The following TUSC3 variants were observed in gnomAD, a reference collection of about 807,000 sequenced individuals.
TUSC3 encodes the protein dolichyl-diphosphooligosaccharide--protein glycosyltransferase subunit TUSC3.
A neutral mutation model predicts 44.8 loss-of-function variants in TUSC3; 45 were observed. The observed-to-expected ratio is 1.00, with a 90% CI of 0.79 to 1.29. TUSC3 has a LOEUF of 1.29. Ranked by LOEUF, TUSC3 falls within the 50% of genes most tolerant of loss-of-function variation. The pLI, the probability that TUSC3 is intolerant of heterozygous loss-of-function variation, is 0.00. For missense variants in TUSC3, 519 were observed against 437.9 expected, an observed-to-expected ratio of 1.19 and a Z score of -1.65; for synonymous variants, 212 against 152.9, an observed-to-expected ratio of 1.39 and a Z score of -2.85.
At chr8:15,608,410 T>C (rs1386322463) in intron 1 of TUSC3, among the ~76,000 whole-genome samples, 1 of 152,150 alleles carries the variant, frequency 6.6e-6, no homozygotes, top group Non-Finnish European at 1.5e-5. Context: ...AGTAGGGACA[T>C]CCTAGGGCTA....
intron 2 of TUSC3, among the ~76,000 whole-genome samples, chr8:15,635,053 A>G (rs572152963): frequency 6.6e-6 from 1 of 151,506 alleles, no homozygotes; most frequent in Non-Finnish European, 1.5e-5. Flanking sequence ...TGAATTTCCT[A>G]AGCCTTTTTT....
At chr8:15,629,021 G>T (rs1805639771) in intron 2 of TUSC3, among the ~76,000 whole-genome samples, 1 of 152,218 alleles carries the variant, frequency 6.6e-6, no homozygotes, top group Non-Finnish European at 1.5e-5. Context: ...AACAGGTTTT[G>T]TGTAGAAGTA....
At chr8:15,422,506 T>G (rs1308926187) in intron 1 of TUSC3, among the ~76,000 whole-genome samples, 1 of 152,180 alleles carries the variant, frequency 6.6e-6, no homozygotes, top group African/African-American at 2.4e-5. Context: ...AGAGCTCTAG[T>G]GTACAATAAG....
At chr8:15,837,188 T>A in the TUSC3 span, among the ~76,000 whole-genome samples, 3 of 149,902 alleles carry the variant, frequency 2.0e-5, no homozygotes, top group Admixed American at 6.7e-5. Context: ...ATAATTTGAT[T>A]TTTTTCTCAC....
the TUSC3 span, among the ~76,000 whole-genome samples, chr8:15,842,945 G>GT: frequency 1.6e-4 from 25 of 152,224 alleles, no homozygotes; most frequent in African/African-American, 6.0e-4. Flanking sequence ...TGTTCACATT[G>GT]TTTTTTGACA....
the TUSC3 span, among the ~76,000 whole-genome samples, chr8:15,850,904 CTAT>C: frequency 3.9e-5 from 6 of 152,138 alleles, no homozygotes; most frequent in South Asian, 1.2e-3. Context: ...CTCTGTGTCT[CTAT>C]TATTATCAAA....
chr8:15,601,151 G>T (rs528674377), intron 1 of TUSC3, among the ~76,000 whole-genome samples: 2 of 151,778 alleles, frequency 1.3e-5, no homozygotes, highest in South Asian at 4.1e-4. Flanking sequence ...TTACCTAAAT[G>T]ATTCTAGTAG....
upstream of TUSC3, among the ~76,000 whole-genome samples, chr8:15,535,317 G>A (rs1370919235): frequency 2.0e-5 from 3 of 152,146 alleles, no homozygotes; most frequent in East Asian, 5.8e-4. Flanking sequence ...TCAAGAGTTT[G>A]GACCTCCTTT....
chr8:15,423,114 C>A lies in TUSC3; in HGVS notation n.91+5809C>A, dbSNP rs558894495. ...AGTTTTTTTTAAGAAAAAAGTGTTTCTTAGTTTCTTATAATGTTGGACCTT... is the reference window on the plus strand; with the variant it reads ...AGTTTTTTTTAAGAAAAAAGTGTTTATTAGTTTCTTATAATGTTGGACCTT... On this transcript the variant is annotated intron_variant and non_coding_transcript_variant, in intron 1 of 5. Transcript: ENST00000503191. Among the ~76,000 whole-genome samples, 40 of 152,012 alleles carry A rather than the reference C, an allele frequency of 2.6e-4. No individual in the cohort carries two copies. The South Asian group carries it at 7.9e-3, about 30-fold the overall frequency.
chr8:15,567,178 T>C (rs1340139310), intron 1 of TUSC3, among the ~76,000 whole-genome samples: 1 of 152,154 alleles, frequency 6.6e-6, no homozygotes, highest in Non-Finnish European at 1.5e-5. Context: ...TGACATTTTA[T>C]CATTCCTTTT....
At chr8:15,831,843 G>C in the TUSC3 span, among the ~76,000 whole-genome samples, 1 of 152,142 alleles carries the variant, frequency 6.6e-6, no homozygotes, top group African/African-American at 2.4e-5. Flanking sequence ...GAGATGGAGA[G>C]AGTGTGAGCA....
Position 15,472,767 on chromosome 8 carries a change from A to G in TUSC3, n.92-10619A>G, listed in dbSNP as rs562908474. Among the ~76,000 whole-genome samples the G allele has an allele frequency of 5.9e-5, 9 of 152,308 alleles. No homozygotes were observed. The East Asian group carries it at 1.7e-3, about 29-fold the overall frequency. On this transcript the variant is annotated intron_variant and non_coding_transcript_variant, in intron 1 of 5. Transcript: ENST00000503191. Reference sequence around the variant, plus strand: ...GATAATTTACATTTTACTTGTGACAAGATCAAATCCATTATGGTGTAGAAA... The same window carrying G: ...GATAATTTACATTTTACTTGTGACAGGATCAAATCCATTATGGTGTAGAAA...
At chr8:15,754,982 T>C (rs1288392040) in intron 9 of TUSC3, among the ~76,000 whole-genome samples, 2 of 152,142 alleles carry the variant, frequency 1.3e-5, no homozygotes, top group African/African-American at 4.8e-5. Context: ...ATTGTTGTTT[T>C]CTTTGCTGAC....
At chr8:15,768,411 G>C (rs576620509), downstream of TUSC3, among the ~76,000 whole-genome samples, 1 of 151,974 alleles carries the variant, frequency 6.6e-6, no homozygotes, top group South Asian at 2.1e-4. Context: ...AAAACATGAG[G>C]CATATGAAGA....
intron 1 of TUSC3, among the ~76,000 whole-genome samples, chr8:15,457,845 T>C (rs1800279330): frequency 2.5e-5 from 1 of 39,648 alleles, no homozygotes; most frequent in Non-Finnish European, 7.5e-5. Flanking sequence ...ATTAGATTAA[T>C]TATCTAATAA....
chr8:15,425,388 T>G (rs1799790885), intron 1 of TUSC3, among the ~76,000 whole-genome samples: 1 of 152,138 alleles, frequency 6.6e-6, no homozygotes, highest in Non-Finnish European at 1.5e-5. Context: ...TGCAACAAAG[T>G]GACATTTCCT....
chr8:15,809,388 T>C, the TUSC3 span, among the ~76,000 whole-genome samples: 3 of 152,196 alleles, frequency 2.0e-5, no homozygotes, highest in Non-Finnish European at 4.4e-5. Flanking sequence ...TCCTTGCCTA[T>C]CTGTGGGAAT....
At chr8:15,589,035 C>T (rs1475315156) in intron 1 of TUSC3, among the ~76,000 whole-genome samples, 8 of 151,934 alleles carry the variant, frequency 5.3e-5, no homozygotes, top group Admixed American at 2.0e-4. Context: ...TTTGGTTATT[C>T]GGAGTGCAGT....
intron 2 of TUSC3, among the ~76,000 whole-genome samples, chr8:15,644,992 C>G (rs926603336): frequency 6.6e-6 from 1 of 152,062 alleles, no homozygotes; most frequent in African/African-American, 2.4e-5. Flanking sequence ...TATGGCTTGC[C>G]AGGTTGCAAT....
Sources: allele counts gnomAD v4.1 joint callset (sites outside exome capture counted in the v4.1 genomes callset), GRCh38; gene constraint gnomAD v4.1.1; transcripts MANE v1.5; gene names NCBI Gene and HGNC (gene_info 2026-07-23, HGNC 2026-07-21).